The following FNIP2 variants were observed in gnomAD, a reference collection of about 807,000 sequenced individuals.
FNIP2 encodes the protein folliculin interacting protein 2, also known as folliculin-interacting protein 2.
Under a neutral mutation model 108.7 loss-of-function variants are expected in FNIP2, and 32 were observed. The observed-to-expected ratio is 0.29, with a 90% CI of 0.22 to 0.40. The LOEUF is 0.40. Ranked by LOEUF, FNIP2 falls within the 10% of genes least tolerant of loss-of-function variation. The probability of loss-of-function intolerance (pLI) is 1.00; values close to 1 mark genes in which losing one functional copy is unlikely to be tolerated. For synonymous variants in FNIP2, 480 were observed against 496.7 expected, an observed-to-expected ratio of 0.97 and a Z score of 0.45; for missense variants, 1,202 against 1,381.6, an observed-to-expected ratio of 0.87 and a Z score of 2.06.
In FNIP2 at chr4:158,833,624, C is replaced by A. The variant is rs779592474; in HGVS notation, c.651C>A (p.Asn217Lys). Residue 217 changes from asparagine (N) to lysine (K), a missense_variant, in exon 6 of 17, where the codon AAC becomes AAA. By Grantham distance (94) the Asn-to-Lys change is moderately conservative (BLOSUM62 0). Coordinates refer to ENST00000264433, the MANE Select transcript of FNIP2 (RefSeq NM_020840.3). ...TGGGTCCTTGTCGTACTGGAAGTAA[C>A]CTAGGTAAAATCAGAGATACAAACA... ...NSLGPCRTGS[N>K]LAHSTPVDMP... The A allele has an allele frequency of 1.9e-6, 3 of 1,609,270 alleles. No individual in the cohort carries two copies. The highest frequency in any genetic ancestry group is 1.1e-5 in the South Asian group (1 of 90,930).
chr4:158,849,193 T>C (rs1412997872), intron 7 of FNIP2, among the ~76,000 whole-genome samples: 1 of 152,204 alleles, frequency 6.6e-6, no homozygotes, highest in Non-Finnish European at 1.5e-5. Context: ...GTAATATTTC[T>C]AGGTTTCATG....
intron 9 of FNIP2, 97 bp downstream of exon 9, chr4:158,859,355 G>A: frequency 7.4e-7 from 1 of 1,349,276 alleles, no homozygotes; most frequent in Non-Finnish European, 1.0e-6. Flanking sequence ...TCTTTCCTAA[G>A]GAAGTTAAAT....
rs1189568260 is a variant in FNIP2 at position 158,869,210 on chromosome 4, C to T, written c.2574C>T (p.Val858=). ...TGGAGCCTGTTGCCCCCAGGTGTGT[C>T]CAGCGGGGCCCTGGCCTCGTGGCTG... ...PVLEPVAPRC[V]QRGPGLVAGA... Residue 858 remains valine (V), a synonymous_variant, in exon 13 of 17, where the codon GTC becomes GTT. Coordinates refer to ENST00000264433, the MANE Select transcript of FNIP2 (RefSeq NM_020840.3). 2.5e-6 allele frequency: 4 copies of T among 1,614,036 alleles called. No individual in the cohort carries two copies. Among genetic ancestry groups the T allele is most frequent in the Non-Finnish European group, 3.4e-6 (4 of 1,179,896 alleles).
chr4:158,787,004 G>T (rs1776246709), intron 1 of FNIP2, among the ~76,000 whole-genome samples: 1 of 151,684 alleles, frequency 6.6e-6, no homozygotes, highest in South Asian at 2.1e-4. Context: ...CTCTAAGTCT[G>T]TGACTTTTTG....
chr4:158,774,041 TAGA>T (rs1263918642), intron 1 of FNIP2, among the ~76,000 whole-genome samples: 1 of 152,172 alleles, frequency 6.6e-6, no homozygotes, highest in Non-Finnish European at 1.5e-5. Flanking sequence ...ATGTTCTCAA[TAGA>T]AGAAGTAAAA....
chr4:158,878,965 T>TA (rs1435351568), intron 14 of FNIP2, among the ~76,000 whole-genome samples: 1 of 149,922 alleles, frequency 6.7e-6, no homozygotes. Flanking sequence ...CTAAAGATAA[T>TA]TAGAATTTGA....
intron 7 of FNIP2, among the ~76,000 whole-genome samples, chr4:158,840,648 A>G (rs563368577): frequency 5.3e-5 from 8 of 152,256 alleles, no homozygotes; most frequent in East Asian, 1.9e-4. Flanking sequence ...CACCCACCTC[A>G]GCCTCCCAAA....
rs769566034 is a variant in FNIP2, at chr4:158,868,476, C to A, written c.1840C>A (p.Pro614Thr). 15 of 1,614,020 alleles carry A rather than the reference C, an allele frequency of 9.3e-6. No individual in the cohort carries two copies. The highest frequency in any genetic ancestry group is 1.3e-5 in the Non-Finnish European group (15 of 1,179,894). ...GTDSRDLGLK[P>T]DKEANRRPEQ... ...TGACAGTAGAGACCTGGGTCTTAAA[C>A]CTGACAAAGAAGCTAACAGGAGGCC... The change falls in exon 13 of 17, where the codon CCT becomes ACT. Residue 614 changes from proline to threonine, a missense_variant. Coordinates refer to ENST00000264433, the MANE Select transcript of FNIP2 (RefSeq NM_020840.3). This position sits in a 1 kb window ranked among gnomAD's most constrained non-coding sequence, Gnocchi z 4.6.
chr4:158,785,130 G>C (rs931929118), intron 1 of FNIP2, among the ~76,000 whole-genome samples: 1 of 131,322 alleles, frequency 7.6e-6, no homozygotes, highest in African/African-American at 3.1e-5. Context: ...TCTGTTGCCA[G>C]GCTGGAGTGC....
intron 14 of FNIP2, among the ~76,000 whole-genome samples, chr4:158,881,521 C>T (rs1192102394): frequency 1.3e-5 from 2 of 152,200 alleles, no homozygotes; most frequent in Non-Finnish European, 2.9e-5. Flanking sequence ...GACTGTACTG[C>T]TGCCATCTCC....
intron 1 of FNIP2, chr4:158,808,611 A>C (rs1777099740): frequency 6.6e-6 from 1 of 152,190 alleles, no homozygotes; most frequent in South Asian, 2.1e-4. Flanking sequence ...GACTTGGGCC[A>C]ACTTGAGGGT....
chr4:158,840,971 G>A (rs752812924), intron 7 of FNIP2, among the ~76,000 whole-genome samples: 4 of 152,194 alleles, frequency 2.6e-5, no homozygotes, highest in Non-Finnish European at 5.9e-5. Context: ...GCTTTGAAAT[G>A]AACTTTCAGG....
intron 1 of FNIP2, among the ~76,000 whole-genome samples, chr4:158,783,437 A>G (rs1377776747): frequency 1.3e-5 from 2 of 152,246 alleles, no homozygotes; most frequent in Non-Finnish European, 2.9e-5. Context: ...GTTACCTTCA[A>G]GGAGAAAATA....
At chr4:158,770,769 C>G (rs189364410) in intron 1 of FNIP2, among the ~76,000 whole-genome samples, 1 of 152,162 alleles carries the variant, frequency 6.6e-6, no homozygotes, top group Admixed American at 6.5e-5. Flanking sequence ...CCCTTCCCTC[C>G]CTGTAACCCA....
intron 1 of FNIP2, among the ~76,000 whole-genome samples, chr4:158,823,386 C>T (rs905256886): frequency 6.6e-6 from 1 of 152,178 alleles, no homozygotes; most frequent in Non-Finnish European, 1.5e-5. Flanking sequence ...CTGCCTCAGC[C>T]TCCTGAGTAG....
intron 7 of FNIP2, among the ~76,000 whole-genome samples, chr4:158,845,893 G>A (rs568795761): frequency 2.8e-4 from 43 of 152,302 alleles, no homozygotes; most frequent in Admixed American, 5.9e-4. Context: ...AATATAAACT[G>A]TCTCATTTGC....
intron 15 of FNIP2, among the ~76,000 whole-genome samples, chr4:158,895,431 A>G (rs1404998617): frequency 6.6e-6 from 1 of 152,260 alleles, no homozygotes; most frequent in African/African-American, 2.4e-5. Context: ...TAATATGGGA[A>G]AGGATTATTA....
intron 8 of FNIP2, among the ~76,000 whole-genome samples, chr4:158,857,281 T>C (rs886384276): frequency 2.0e-5 from 3 of 152,240 alleles, no homozygotes; most frequent in East Asian, 1.9e-4. Context: ...GCAAGCCTTA[T>C]TGTAATATAA....
intron 1 of FNIP2, among the ~76,000 whole-genome samples, chr4:158,771,317 C>A (rs537991969): frequency 6.6e-6 from 1 of 152,292 alleles, no homozygotes; most frequent in East Asian, 1.9e-4. Context: ...CCTGTGCTCA[C>A]CAGACTGACA....
Sources: gnomAD v4.1 joint callset for allele counts (sites outside exome capture counted in the v4.1 genomes callset) on GRCh38, gnomAD v4.1.1 for gene constraint, Gnocchi (gnomAD v3.1) non-coding constraint, MANE v1.5 for transcripts, NCBI Gene and HGNC (gene_info 2026-07-23, HGNC 2026-07-21) for gene names.